The following NCOA6 variants were observed in gnomAD, a reference collection of about 807,000 sequenced individuals.
NCOA6 encodes NRC RAP250.
In NCOA6, 49 loss-of-function variants were observed where a neutral mutation model predicts 171.4. That is an observed-to-expected ratio of 0.29 (90% CI 0.23 to 0.36). The LOEUF (loss-of-function observed/expected upper bound fraction) is 0.36, where lower values mean the gene tolerates loss of function less well. Among genes scored for constraint, NCOA6 ranks in the 10% least tolerant of loss-of-function variants. NCOA6 has a pLI of 1.00. For synonymous variants in NCOA6, 910 were observed against 927.5 expected (o/e 0.98, Z 0.34); for missense variants, 2,248 against 2,554.5 (o/e 0.88, Z 2.59).
At chr20:34,754,386 G>A (rs199703020) in intron 8 of NCOA6, among the ~76,000 whole-genome samples, 2 of 152,052 alleles carry the variant, frequency 1.3e-5, no homozygotes, top group Non-Finnish European at 2.9e-5. Flanking sequence ...GCTACTTTCT[G>A]TGCTATCATA....
chr20:34,722,823 T>TAAA (rs71196758), intron 14 of NCOA6, among the ~76,000 whole-genome samples: 1 of 151,144 alleles, frequency 6.6e-6, no homozygotes, highest in Non-Finnish European at 1.5e-5. Flanking sequence ...CCATCTCTAC[T>TAAA]AAAAAAAATA....
chr20:34,749,730 C>T lies in NCOA6; in HGVS notation c.2465G>A (p.Ser822Asn). 1 of 1,614,204 alleles carries T rather than the reference C, an allele frequency of 6.2e-7. No individual in the cohort carries two copies. Among genetic ancestry groups the T allele is most frequent in the South Asian group, 1.1e-5 (1 of 91,084 alleles). The change falls in exon 9 of 15, where the codon AGC becomes AAC. Residue 822 changes from serine (S) to asparagine (N), a missense_variant. By Grantham distance (46) the Ser-to-Asn change is conservative (BLOSUM62 1). This residue lies in a region of NCOA6 where 987 missense variants were observed against 1,104.7 expected (regional missense o/e 0.89). Transcript: ENST00000359003. ...VSLSQMMPDV[S>N]IQQTNMVPPH... ...GGGGACCATGTTGGTTTGTTGAATG[C>T]TAACATCAGGCATCATCTGAGATAA...
Position 34,742,289 on chromosome 20 carries a change from G to A in NCOA6, c.3967C>T (p.Arg1323Trp), listed in dbSNP as rs181662709. 71 of 1,614,040 alleles carry A rather than the reference G, an allele frequency of 4.4e-5. No homozygotes were observed. The highest frequency in any genetic ancestry group is 1.2e-4 in the Admixed American group (7 of 60,002). The change falls in exon 11 of 15, where the codon CGG becomes TGG. Residue 1323 changes from arginine (R) to tryptophan (W), a missense_variant. Coordinates refer to ENST00000359003, the MANE Select transcript of NCOA6 (RefSeq NM_014071.5). The stretch of plus-strand genomic sequence containing the variant: ...CTGCGACTGTTGCTTGGACTTGCCC[G>A]TTTTGTTGCTCCAGAATTAGACTGC... The part of the protein sequence containing the change: ...GKQSNSGATK[R>W]ASPSNSRRSS...
chr20:34,791,471 C>T (rs1044012140), intron 2 of NCOA6, among the ~76,000 whole-genome samples: 4 of 152,140 alleles, frequency 2.6e-5, no homozygotes, highest in African/African-American at 9.7e-5. Flanking sequence ...TAATAGCACT[C>T]CTTCTTTCCT....
chr20:34,761,508 C>T lies in NCOA6; in HGVS notation c.515-2575G>A, dbSNP rs1364463309. ...TTTTGCCACTGACTTAACCTAACAG[C>T]ACTATGGTCAGAGAACAGAATCTAT... On this transcript the variant is annotated intron_variant, in intron 5 of 14. Transcript: ENST00000359003. Among the ~76,000 whole-genome samples, 3 of 151,722 alleles carry T rather than the reference C, an allele frequency of 2.0e-5. No individual in the cohort carries two copies. In the East Asian group the frequency reaches 5.8e-4, roughly 29 times the overall value.
chr20:34,793,105 C>T (rs938778202), intron 1 of NCOA6, among the ~76,000 whole-genome samples: 99 of 152,090 alleles, frequency 6.5e-4, no homozygotes, highest in Middle Eastern at 3.4e-3. Context: ...TTAGGCCACT[C>T]ATCAGCAAGC....
At chr20:34,803,717 C>T (rs530957215) in intron 1 of NCOA6, among the ~76,000 whole-genome samples, 1 of 152,172 alleles carries the variant, frequency 6.6e-6, no homozygotes, top group South Asian at 2.1e-4. Flanking sequence ...TCATCACTGA[C>T]GGGTGCAGAG....
intron 8 of NCOA6, 139 bp from the exon 9 acceptor site, chr20:34,750,658 T>C: frequency 2.1e-6 from 2 of 935,228 alleles, no homozygotes; most frequent in South Asian, 2.2e-5. Context: ...GTTGACATAC[T>C]TCCTGTGAGT....
intron 3 of NCOA6, among the ~76,000 whole-genome samples, chr20:34,779,020 T>C (rs187618695): frequency 8.9e-4 from 135 of 151,438 alleles, no homozygotes; most frequent in African/African-American, 2.7e-3. Flanking sequence ...ATGGTGGTGA[T>C]TGTTGCACAA....
At chr20:34,779,082 C>T (rs1460221964) in intron 3 of NCOA6, among the ~76,000 whole-genome samples, 1 of 150,936 alleles carries the variant, frequency 6.6e-6, no homozygotes, top group Non-Finnish European at 1.5e-5. Flanking sequence ...TAATGGTTAA[C>T]ATGGTAAATT....
chr20:34,790,930 C>T (rs6088607), intron 2 of NCOA6, among the ~76,000 whole-genome samples: 52,362 of 152,132 alleles, frequency 0.34, 9,376 homozygotes, highest in Middle Eastern at 0.42. Context: ...GGATATCAGC[C>T]GTGAGCCACC....
In NCOA6 at chr20:34,757,289, G is replaced by C; in HGVS notation, c.1459C>G (p.Pro487Ala). The C allele has an allele frequency of 6.2e-7, 1 of 1,613,674 alleles. No homozygotes were observed. Among genetic ancestry groups the C allele is most frequent in the Non-Finnish European group, 8.5e-7 (1 of 1,179,752 alleles). Residue 487 changes from proline to alanine, a missense_variant, in exon 7 of 15, where the codon CCT becomes GCT. Pro to Ala is a conservative substitution (Grantham distance 27). Transcript: ENST00000359003. The part of the protein sequence containing the change: ...NPMVQQGNVP[P>A]NFMVMQQQPP... ...TGCTGCTGCATCACCATGAAGTTAG[G>C]TGGCACATTTCCCTGTTGAACCATA...
At chr20:34,776,187 C>T (rs950630121) in intron 4 of NCOA6, 106 bp downstream of exon 4, 7 of 1,420,380 alleles carry the variant, frequency 4.9e-6, no homozygotes, top group Non-Finnish European at 6.7e-6. Flanking sequence ...GCTTGGCATT[C>T]TGAAACACAA....
intron 13 of NCOA6, among the ~76,000 whole-genome samples, chr20:34,730,899 G>T (rs1452637028): frequency 6.6e-6 from 1 of 151,704 alleles, no homozygotes; most frequent in Non-Finnish European, 1.5e-5. Flanking sequence ...TATAGACAGG[G>T]TTTCACTATG....
chr20:34,798,088 G>A (rs2078140570), intron 1 of NCOA6, among the ~76,000 whole-genome samples: 1 of 152,146 alleles, frequency 6.6e-6, no homozygotes, highest in South Asian at 2.1e-4. Flanking sequence ...AGAGCCCACT[G>A]TCCTGAAGGG....
intron 2 of NCOA6, among the ~76,000 whole-genome samples, chr20:34,785,899 A>G (rs1039993656): frequency 2.1e-4 from 31 of 151,178 alleles, no homozygotes; most frequent in African/African-American, 7.0e-4. Context: ...AAAAACAGAG[A>G]GAAATTGAAA....
intron 1 of NCOA6, among the ~76,000 whole-genome samples, chr20:34,804,733 T>C (rs939536102): frequency 6.6e-6 from 1 of 152,212 alleles, no homozygotes; most frequent in South Asian, 2.1e-4. Flanking sequence ...ACTGTATATA[T>C]ACATGGGGTA....
chr20:34,758,724 A>G (rs2145835987), intron 6 of NCOA6, 81 bp downstream of exon 6: 1 of 1,530,540 alleles, frequency 6.5e-7, no homozygotes, highest in Non-Finnish European at 8.8e-7. Context: ...TTAGAAATTC[A>G]GCATCAGAGA....
At chr20:34,774,216 T>C (rs1470046671) in intron 4 of NCOA6, among the ~76,000 whole-genome samples, 1 of 152,174 alleles carries the variant, frequency 6.6e-6, no homozygotes, top group Non-Finnish European at 1.5e-5. Context: ...CCAAAAAACA[T>C]GTGGGGTTTT....
Sources: allele counts gnomAD v4.1 joint callset (sites outside exome capture counted in the v4.1 genomes callset), GRCh38; gene constraint gnomAD v4.1.1; regional missense constraint gnomAD v4.1.1; transcripts MANE v1.5; gene names NCBI Gene and HGNC (gene_info 2026-07-23, HGNC 2026-07-21).